Variants in NRXN1 observed in about 807,000 individuals in gnomAD.
The protein encoded by NRXN1 is neurexin 1.
NRXN1 carries 39 observed loss-of-function variants against 150.9 expected under a neutral mutation model. The ratio of observed to expected loss-of-function variants is 0.26; its 90% confidence interval spans 0.20 to 0.34. The LOEUF (loss-of-function observed/expected upper bound fraction) is 0.34. Among genes scored for constraint, NRXN1 ranks in the 10% least tolerant of loss-of-function variants. The pLI, the probability that NRXN1 is intolerant of heterozygous loss-of-function variation, is 1.00. For synonymous variants in NRXN1, 924 were observed against 757.0 expected (o/e 1.22, Z -3.62); for missense variants, 1,815 against 1,949.9 (o/e 0.93, Z 1.30).
At chr2:50,606,491 G>T (rs1319509801) in intron 8 of NRXN1, among the ~76,000 whole-genome samples, 2 of 151,514 alleles carry the variant, frequency 1.3e-5, no homozygotes, top group Non-Finnish European at 2.9e-5. Context: ...ATTTCATTAT[G>T]CAAGAAGAAT....
chr2:50,184,870 G>C (rs1311710238), intron 18 of NRXN1, among the ~76,000 whole-genome samples: 2 of 152,096 alleles, frequency 1.3e-5, no homozygotes, highest in African/African-American at 4.8e-5. Context: ...GAGTCATGCA[G>C]GGATTAAGTA....
intron 5 of NRXN1, among the ~76,000 whole-genome samples, chr2:50,840,122 T>C (rs180809916): frequency 1.3e-5 from 2 of 152,282 alleles, no homozygotes; most frequent in East Asian, 3.9e-4. Context: ...GAATCTCAGA[T>C]TGAATGATAT....
At chr2:50,263,342 T>G (rs771424798) in intron 17 of NRXN1, among the ~76,000 whole-genome samples, 1 of 151,994 alleles carries the variant, frequency 6.6e-6, no homozygotes, top group Non-Finnish European at 1.5e-5. Flanking sequence ...ACCAATGTAC[T>G]TATGGTAAGG....
At chr2:50,928,767 C>A (rs2104367345) in intron 2 of NRXN1, among the ~76,000 whole-genome samples, 1 of 152,106 alleles carries the variant, frequency 6.6e-6, no homozygotes, top group Non-Finnish European at 1.5e-5. Context: ...CCGGCCTTAC[C>A]TGTGGACACT....
At chr2:50,112,559 T>G (rs534285147) in intron 18 of NRXN1, among the ~76,000 whole-genome samples, 1 of 152,336 alleles carries the variant, frequency 6.6e-6, no homozygotes, top group Admixed American at 6.5e-5. Context: ...GCAGGCATCC[T>G]TTGAAATACA....
At chr2:50,911,606 T>C (rs916342661) in intron 5 of NRXN1, among the ~76,000 whole-genome samples, 10 of 151,926 alleles carry the variant, frequency 6.6e-5, no homozygotes, top group African/African-American at 2.2e-4. Context: ...TCATCATCCT[T>C]TTCCATTGCA....
At chr2:50,407,733 T>C (rs2082856497) in intron 17 of NRXN1, among the ~76,000 whole-genome samples, 1 of 152,110 alleles carries the variant, frequency 6.6e-6, no homozygotes, top group Admixed American at 6.6e-5. Context: ...CTCAGGACTC[T>C]GTAGAGAGAC....
chr2:50,531,503 C>T, intron 10 of NRXN1, 73 bp from the exon 11 acceptor site: 2 of 1,070,086 alleles, frequency 1.9e-6, no homozygotes, highest in South Asian at 2.9e-5. Context: ...GGAAAAGGAT[C>T]ATTTATTATC....
At chr2:50,931,847 C>G (rs1423187707) in intron 2 of NRXN1, among the ~76,000 whole-genome samples, 1 of 151,752 alleles carries the variant, frequency 6.6e-6, no homozygotes, top group Non-Finnish European at 1.5e-5. Flanking sequence ...AGGAGGCTCT[C>G]GGGATTGATT....
chr2:50,900,578 T>A (rs946373550), intron 5 of NRXN1, among the ~76,000 whole-genome samples: 1 of 152,140 alleles, frequency 6.6e-6, no homozygotes, highest in Non-Finnish European at 1.5e-5. Flanking sequence ...TATGGCTTAC[T>A]CAAGATAGCA....
chr2:50,067,056 T>C (rs1482704146), intron 19 of NRXN1, among the ~76,000 whole-genome samples: 2 of 152,216 alleles, frequency 1.3e-5, no homozygotes, highest in Non-Finnish European at 2.9e-5. Context: ...TCGTGACTAA[T>C]GCTTCAGATG....
chr2:50,954,865 A>T (rs1692012557), intron 2 of NRXN1, among the ~76,000 whole-genome samples: 1 of 152,314 alleles, frequency 6.6e-6, no homozygotes, highest in South Asian at 2.1e-4. Flanking sequence ...TGATGGTATC[A>T]CCAACTGGGT....
chr2:50,093,541 G>A (rs1460906809), intron 18 of NRXN1, among the ~76,000 whole-genome samples: 1 of 151,950 alleles, frequency 6.6e-6, no homozygotes, highest in Non-Finnish European at 1.5e-5. Context: ...AGGCTGAGGT[G>A]GGAAGATCAC....
At position 50,130,233 on chromosome 2, in the gene NRXN1, A is replaced by C. The variant is rs143231642; in HGVS notation, c.3547-38739T>G. ...ATTTCTTAGTGGCACACTCCCTTTA[A>C]TCTGTGTAGAGAGCTCAAAATTTCC... On this transcript the variant is annotated intron_variant, in intron 18 of 22. Coordinates refer to ENST00000401669, the MANE Select transcript of NRXN1 (RefSeq NM_001330078.2). Among the ~76,000 whole-genome samples the C allele has an allele frequency of 2.2e-4, 34 of 152,130 alleles. No homozygotes were observed. The East Asian group carries it at 5.8e-3, about 26-fold the overall frequency.
chr2:50,268,136 G>C (rs1016837114), intron 17 of NRXN1, among the ~76,000 whole-genome samples: 1 of 152,166 alleles, frequency 6.6e-6, no homozygotes, highest in African/African-American at 2.4e-5. Context: ...GTTGCAGTGA[G>C]CAGAGATTGT....
In NRXN1 at chr2:50,694,752, C is replaced by T. The variant is rs1483014103; in HGVS notation, c.833-71137G>A. Among the ~76,000 whole-genome samples the T allele has an allele frequency of 3.3e-5, 5 of 152,268 alleles. No homozygotes were observed. In the East Asian group the frequency reaches 9.7e-4, roughly 29 times the overall value. ...TGAATTTGAGGTAAAATCGGTTAAT[C>T]CTTTTATCCCCAATATTCATATTTA... On this transcript the variant is annotated intron_variant, in intron 5 of 22. Coordinates refer to ENST00000401669, the MANE Select transcript of NRXN1 (RefSeq NM_001330078.2).
chr2:50,944,052 G>A (rs1435489240), intron 2 of NRXN1, among the ~76,000 whole-genome samples: 6 of 152,124 alleles, frequency 3.9e-5, no homozygotes, highest in African/African-American at 1.2e-4. Context: ...TGCAGGGCTT[G>A]GTTGTTTTTG....
intron 5 of NRXN1, among the ~76,000 whole-genome samples, chr2:50,765,640 C>G (rs187933007): frequency 6.6e-6 from 1 of 152,084 alleles, no homozygotes; most frequent in East Asian, 1.9e-4. Context: ...TTCTACATGC[C>G]GCAACATAGT....
At position 50,678,024 on chromosome 2, in the gene NRXN1, A is replaced by AT. The variant is rs557828194; in HGVS notation, c.833-54410dup. On this transcript the variant is annotated intron_variant, in intron 5 of 22. Coordinates refer to ENST00000401669, the MANE Select transcript of NRXN1 (RefSeq NM_001330078.2). ...TCTATCATCTTAGCATTCAAAATAT[A>AT]TTTTTTAAAAAATATCAATTGGGTA... Among the ~76,000 whole-genome samples, 337 of 152,270 alleles carry AT rather than the reference A, an allele frequency of 2.2e-3. 2 individuals are homozygous for AT. Among genetic ancestry groups the AT allele is most frequent in the African/African-American group, 7.6e-3 (318 of 41,582 alleles).
Sources: allele counts gnomAD v4.1 joint callset (sites outside exome capture counted in the v4.1 genomes callset), GRCh38; gene constraint gnomAD v4.1.1; transcripts MANE v1.5; gene names NCBI Gene and HGNC (gene_info 2026-07-23, HGNC 2026-07-21).